The following WDR72 variants were observed in gnomAD, a reference collection of about 807,000 sequenced individuals.
WDR72 encodes WD repeat domain 72, also known as WD repeat-containing protein 72.
In WDR72, 120 loss-of-function variants were observed where a neutral mutation model predicts 124.2. That is an observed-to-expected ratio of 0.97 (90% CI 0.83 to 1.12). WDR72 has a LOEUF of 1.12. WDR72 is among the 50% of genes most tolerant of loss of function. The probability of loss-of-function intolerance (pLI) is 0.00; values close to 1 mark genes in which losing one functional copy is unlikely to be tolerated. For synonymous variants in WDR72, 452 were observed against 441.7 expected (o/e 1.02, Z -0.29); for missense variants, 1,387 against 1,278.8 (o/e 1.08, Z -1.29).
chr15:53,627,122 C>A (rs1296962837), intron 14 of WDR72, among the ~76,000 whole-genome samples: 1 of 152,220 alleles, frequency 6.6e-6, no homozygotes, highest in Non-Finnish European at 1.5e-5. Flanking sequence ...AGTTACCCAT[C>A]TGGCAAATAG....
upstream of WDR72, among the ~76,000 whole-genome samples, chr15:53,761,837 C>CAAACAAAAAA (rs56685517): frequency 3.3e-5 from 5 of 151,900 alleles, no homozygotes; most frequent in Non-Finnish European, 7.4e-5. Flanking sequence ...AAAACAAAAA[C>CAAACAAAAAA]CCAAAGCAGA....
At chr15:53,524,476 C>T (rs912840910) in intron 18 of WDR72, among the ~76,000 whole-genome samples, 10 of 152,070 alleles carry the variant, frequency 6.6e-5, no homozygotes, top group Non-Finnish European at 1.2e-4. Context: ...ACATTTGGTA[C>T]GTGACACAAC....
chr15:53,734,151 TAC>T (rs71132754), intron 1 of WDR72, among the ~76,000 whole-genome samples: 51 of 151,658 alleles, frequency 3.4e-4, no homozygotes, highest in African/African-American at 1.1e-3. Flanking sequence ...ATTATATGTC[TAC>T]ACACACACAC....
intron 17 of WDR72, among the ~76,000 whole-genome samples, chr15:53,608,085 CAGTTTGG>C (rs1175566223): frequency 6.6e-6 from 1 of 152,138 alleles, no homozygotes; most frequent in Non-Finnish European, 1.5e-5. Flanking sequence ...CTATGGAGAA[CAGTTTGG>C]AGGTTCCTCA....
At chr15:53,715,555 T>C (rs569539905) in intron 4 of WDR72, among the ~76,000 whole-genome samples, 188 bp from the exon 5 acceptor site, 73 of 152,360 alleles carry the variant, frequency 4.8e-4, no homozygotes, top group African/African-American at 1.7e-3. Flanking sequence ...CTCATTTGCA[T>C]CTCATGATTT....
chr15:53,734,366 G>T (rs1239048546), intron 1 of WDR72, among the ~76,000 whole-genome samples: 1 of 152,114 alleles, frequency 6.6e-6, no homozygotes, highest in African/African-American at 2.4e-5. Context: ...TACAGGAAAT[G>T]TTCTGAGCAT....
intron 2 of WDR72, among the ~76,000 whole-genome samples, chr15:53,729,750 T>G (rs12906425): frequency 0.043 from 6,566 of 152,136 alleles, 139 homozygotes; most frequent in Middle Eastern, 0.065. Flanking sequence ...AGGCTTTCCA[T>G]TCAAAAACAT....
intron 13 of WDR72, among the ~76,000 whole-genome samples, chr15:53,677,966 G>T (rs2016235253): frequency 6.6e-6 from 1 of 152,148 alleles, no homozygotes; most frequent in Non-Finnish European, 1.5e-5. Flanking sequence ...TGTTTCCTGT[G>T]GTTGGGAGGG....
At chr15:53,647,103 T>G (rs2015069656) in intron 14 of WDR72, among the ~76,000 whole-genome samples, 1 of 151,988 alleles carries the variant, frequency 6.6e-6, no homozygotes, top group African/African-American at 2.4e-5. Flanking sequence ...CAGAATTATT[T>G]TTGTGCACAA....
chr15:53,640,732 T>G (rs1487145553), intron 14 of WDR72, among the ~76,000 whole-genome samples: 1 of 152,116 alleles, frequency 6.6e-6, no homozygotes, highest in Non-Finnish European at 1.5e-5. Flanking sequence ...CTTTTAATAT[T>G]TGTTAATAAT....
chr15:53,713,418 A>ATTTTATTTTATTTTG (rs1555427180), intron 6 of WDR72, among the ~76,000 whole-genome samples: 2,326 of 118,336 alleles, frequency 0.02, 116 homozygotes, highest in African/African-American at 0.065. Flanking sequence ...GTTGTATTTT[A>ATTTTATTTTATTTTG]TTTTATTTTA....
chr15:53,674,475 C>A (rs2016096631), intron 13 of WDR72, among the ~76,000 whole-genome samples: 1 of 152,166 alleles, frequency 6.6e-6, no homozygotes, highest in Non-Finnish European at 1.5e-5. Context: ...GCATCTTACT[C>A]CAGGAAATGT....
chr15:53,679,201 T>C (rs2016291337), intron 13 of WDR72, among the ~76,000 whole-genome samples: 1 of 152,164 alleles, frequency 6.6e-6, no homozygotes, highest in Non-Finnish European at 1.5e-5. Flanking sequence ...TGGAGTTTCA[T>C]TTAAAGAAGC....
intron 19 of WDR72, among the ~76,000 whole-genome samples, chr15:53,519,171 C>G (rs1420464730): frequency 6.6e-6 from 1 of 152,028 alleles, no homozygotes; most frequent in East Asian, 1.9e-4. Flanking sequence ...GAATGTCACA[C>G]TAAATTTTCT....
intron 18 of WDR72, among the ~76,000 whole-genome samples, chr15:53,536,382 A>G (rs1892762474): frequency 6.6e-6 from 1 of 152,188 alleles, no homozygotes; most frequent in African/African-American, 2.4e-5. Context: ...TTGGATTGGC[A>G]AGATGTAGTT....
intron 1 of WDR72, among the ~76,000 whole-genome samples, chr15:53,752,243 T>C (rs889919612): frequency 6.6e-6 from 1 of 152,226 alleles, no homozygotes; most frequent in Non-Finnish European, 1.5e-5. Flanking sequence ...TAATATGAGT[T>C]GAATTGAGCC....
At chr15:53,692,333 G>A (rs2016870678) in intron 13 of WDR72, among the ~76,000 whole-genome samples, 1 of 152,148 alleles carries the variant, frequency 6.6e-6, no homozygotes, top group African/African-American at 2.4e-5. Context: ...CACCAGAACA[G>A]GAAATAATTA....
At chr15:53,611,810 T>C (rs758066690) in intron 16 of WDR72, among the ~76,000 whole-genome samples, 4 of 152,092 alleles carry the variant, frequency 2.6e-5, no homozygotes, top group African/African-American at 7.2e-5. Flanking sequence ...TTAAATGAGA[T>C]AATATATGTA....
chr15:53,726,315 T>A (rs2018036172), intron 2 of WDR72, among the ~76,000 whole-genome samples: 1 of 96,016 alleles, frequency 1.0e-5, no homozygotes, highest in Non-Finnish European at 1.9e-5. Context: ...GTGTGGGATG[T>A]TAATGGTGAG....
Sources: gnomAD v4.1 joint callset for allele counts (sites outside exome capture counted in the v4.1 genomes callset) on GRCh38, gnomAD v4.1.1 for gene constraint, MANE v1.5 for transcripts, NCBI Gene and HGNC (gene_info 2026-07-23, HGNC 2026-07-21) for gene names.